The following VPS13B variants were observed in gnomAD, a reference collection of about 807,000 sequenced individuals.
VPS13B encodes vacuolar protein sorting 13 homolog B.
VPS13B carries 285 observed loss-of-function variants against 426.4 expected under a neutral mutation model. The observed-to-expected ratio is 0.67, with a 90% CI of 0.61 to 0.74. VPS13B has a LOEUF of 0.74. Ranked by LOEUF, VPS13B falls within the 30% of genes least tolerant of loss-of-function variation. The pLI, the probability that VPS13B is intolerant of heterozygous loss-of-function variation, is 0.00. For synonymous variants in VPS13B, 1,676 were observed against 1,676.4 expected, an observed-to-expected ratio of 1.00 and a Z score of 0.01; for missense variants, 4,537 against 4,782.6, an observed-to-expected ratio of 0.95 and a Z score of 1.51.
chr8:99,770,913 G>C (rs971439059), intron 40 of VPS13B, among the ~76,000 whole-genome samples: 2 of 152,178 alleles, frequency 1.3e-5, no homozygotes, highest in African/African-American at 4.8e-5. Flanking sequence ...TTCTTACCAG[G>C]TGACTAACCC....
At chr8:99,208,294 A>G (rs1376084447) in intron 17 of VPS13B, among the ~76,000 whole-genome samples, 1 of 152,168 alleles carries the variant, frequency 6.6e-6, no homozygotes, top group African/African-American at 2.4e-5. Flanking sequence ...ATCACTGGGG[A>G]TTACATTTCA....
At chr8:99,276,534 T>C (rs996127099) in intron 19 of VPS13B, among the ~76,000 whole-genome samples, 3 of 152,146 alleles carry the variant, frequency 2.0e-5, no homozygotes, top group Non-Finnish European at 4.4e-5. Context: ...CTGTCTCAAC[T>C]GTTTCTGCTG....
chr8:99,291,000 CT>C (rs968923024), intron 19 of VPS13B, among the ~76,000 whole-genome samples: 2 of 151,988 alleles, frequency 1.3e-5, no homozygotes, highest in Non-Finnish European at 2.9e-5. Flanking sequence ...AGTTAAAAGG[CT>C]TTTTTTATAT....
chr8:99,299,671 G>T (rs928951729), intron 19 of VPS13B, among the ~76,000 whole-genome samples: 1 of 151,812 alleles, frequency 6.6e-6, no homozygotes, highest in Admixed American at 6.6e-5. Context: ...CAGCACTTTG[G>T]GAGTCTGAGG....
In VPS13B at chr8:99,013,293, CG is replaced by C; in HGVS notation, c.-79del. ...CGCGGTACAGGAGCAGCACTGCCGG[CG>C]GGGGCGGGTGCCAGGGACTTGGAGG... On this transcript the variant is annotated 5_prime_UTR_variant, in exon 1 of 62. Coordinates refer to ENST00000357162, the MANE Select transcript of VPS13B (RefSeq NM_152564.5). 1 of 241,184 alleles carries C rather than the reference CG, an allele frequency of 4.1e-6. No individual in the cohort carries two copies. The highest frequency in any genetic ancestry group is 8.3e-6 in the Non-Finnish European group (1 of 120,762). 14.9% of individuals were successfully genotyped at this position (241,184 alleles called of 1,614,324 possible). A position where few individuals can be genotyped will look rare whatever the true frequency, so the allele number is the denominator to read the frequency against.
intron 17 of VPS13B, among the ~76,000 whole-genome samples, chr8:99,222,173 G>C (rs1435059346): frequency 6.6e-6 from 1 of 152,116 alleles, no homozygotes; most frequent in South Asian, 2.1e-4. Context: ...GTTTTTATCA[G>C]TGAAACACTG....
At chr8:99,487,505 C>T (rs1820378010) in intron 25 of VPS13B, among the ~76,000 whole-genome samples, 1 of 152,050 alleles carries the variant, frequency 6.6e-6, no homozygotes, top group South Asian at 2.1e-4. Flanking sequence ...AATTTAGTGG[C>T]ATTAGGCACA....
At chr8:99,792,225 A>G (rs1812573932) in intron 43 of VPS13B, among the ~76,000 whole-genome samples, 1 of 152,114 alleles carries the variant, frequency 6.6e-6, no homozygotes. Context: ...CCACAACAAA[A>G]CATGTACAAT....
intron 52 of VPS13B, 80 bp downstream of exon 52, chr8:99,832,732 T>C: frequency 6.9e-7 from 1 of 1,440,404 alleles, no homozygotes; most frequent in South Asian, 1.2e-5. Context: ...AGAGATACAA[T>C]GGTCGCAGGG....
chr8:99,431,724 C>G (rs1308946327), intron 22 of VPS13B, 60 bp downstream of exon 22: 1 of 1,538,968 alleles, frequency 6.5e-7, no homozygotes, highest in Non-Finnish European at 8.9e-7. Context: ...TAATTCCCAG[C>G]ATTGTTAATA....
intron 4 of VPS13B, among the ~76,000 whole-genome samples, chr8:99,101,628 T>C (rs1394568008): frequency 1.3e-5 from 2 of 152,232 alleles, no homozygotes; most frequent in African/African-American, 2.4e-5. Flanking sequence ...CATGTGATAA[T>C]TGGCACTCTA....
intron 35 of VPS13B, among the ~76,000 whole-genome samples, chr8:99,664,598 G>A (rs1031808414): frequency 9.9e-5 from 15 of 152,146 alleles, no homozygotes; most frequent in Non-Finnish European, 2.1e-4. Context: ...ATAGTTTGCT[G>A]AGAATGATGT....
At position 99,122,023 on chromosome 8, in the gene VPS13B, T is replaced by A. The variant is rs559464648; in HGVS notation, c.1206+578T>A. Among the ~76,000 whole-genome samples the A allele has an allele frequency of 1.7e-3, 264 of 151,324 alleles. 1 individual carries two copies. Among genetic ancestry groups the A allele is most frequent in the African/African-American group, 6.2e-3 (258 of 41,282 alleles). On this transcript the variant is annotated intron_variant, in intron 8 of 61. Coordinates refer to ENST00000357162, the MANE Select transcript of VPS13B (RefSeq NM_152564.5). Reference sequence around the variant, plus strand: ...CGTGCCACTGTGCCCAGCTAATTTTTTTTTTTTTTTAATATTTTGTAGAGT... The same window carrying A: ...CGTGCCACTGTGCCCAGCTAATTTTATTTTTTTTTTAATATTTTGTAGAGT...
chr8:99,344,122 T>C (rs1811400178), intron 19 of VPS13B, among the ~76,000 whole-genome samples: 1 of 152,092 alleles, frequency 6.6e-6, no homozygotes, highest in Admixed American at 6.5e-5. Context: ...CATTGATCAA[T>C]GGAACAAGTT....
At chr8:99,265,568 A>C (rs1243870388) in intron 17 of VPS13B, among the ~76,000 whole-genome samples, 1 of 152,154 alleles carries the variant, frequency 6.6e-6, no homozygotes, top group Non-Finnish European at 1.5e-5. Flanking sequence ...ACCTCTCCAA[A>C]GTAAACCCTT....
intron 39 of VPS13B, among the ~76,000 whole-genome samples, chr8:99,741,183 G>C (rs1311165430): frequency 1.3e-5 from 2 of 152,152 alleles, no homozygotes. Flanking sequence ...CCTAGTCTCT[G>C]ATAAAACAGA....
intron 16 of VPS13B, among the ~76,000 whole-genome samples, chr8:99,177,580 T>C (rs1234132931): frequency 6.6e-6 from 1 of 152,132 alleles, no homozygotes; most frequent in Non-Finnish European, 1.5e-5. Context: ...GTTGGTCCAA[T>C]GAGAACAGAA....
rs150061720 is a variant in VPS13B, at chr8:99,550,012, A to G, written c.4746-6438A>G. On this transcript the variant is annotated intron_variant, in intron 30 of 61. Transcript: ENST00000357162. ...AACCTTTTGGAGTATTAAGTGTTGTATAATTGCCTCTAAATCCCACATTAG... is the reference window on the plus strand; with the variant it reads ...AACCTTTTGGAGTATTAAGTGTTGTGTAATTGCCTCTAAATCCCACATTAG... Among the ~76,000 whole-genome samples, 16 of 152,166 alleles carry G rather than the reference A, an allele frequency of 1.1e-4. No individual in the cohort carries two copies. In the East Asian group the frequency reaches 2.7e-3, roughly 26 times the overall value.
At chr8:99,864,282 C>T (rs1816984631) in intron 58 of VPS13B, among the ~76,000 whole-genome samples, 1 of 152,222 alleles carries the variant, frequency 6.6e-6, no homozygotes, top group Non-Finnish European at 1.5e-5. Flanking sequence ...GGGTACATGG[C>T]TCACACTTGT....
Sources: gnomAD v4.1 joint callset for allele counts (sites outside exome capture counted in the v4.1 genomes callset) on GRCh38, gnomAD v4.1.1 for gene constraint, MANE v1.5 for transcripts, NCBI Gene and HGNC (gene_info 2026-07-23, HGNC 2026-07-21) for gene names.